ENOX1: variants seen among roughly 807,000 people sequenced by gnomAD.
ENOX1 encodes ecto-NOX disulfide-thiol exchanger 1, also known as candidate growth-related and time keeping constitutive hydroquinone (NADH) oxidase.
In ENOX1, 42 loss-of-function variants were observed where a neutral mutation model predicts 82.5. The observed-to-expected ratio is 0.51, with a 90% confidence interval of 0.40 to 0.66. The LOEUF is 0.66. Ranked by LOEUF, ENOX1 falls within the 30% of genes least tolerant of loss-of-function variation. ENOX1 has a pLI of 0.00. For missense variants in ENOX1, 608 were observed against 811.6 expected (o/e 0.75, Z 3.05); for synonymous variants, 271 against 282.2 (o/e 0.96, Z 0.40).
intron 1 of ENOX1, among the ~76,000 whole-genome samples, chr13:43,749,343 A>G (rs113549042): frequency 2.8e-4 from 42 of 152,376 alleles, no homozygotes; most frequent in African/African-American, 9.6e-4. Flanking sequence ...TAACCAAGTT[A>G]AAGCCCATAC....
At chr13:43,532,674 C>A (rs1241450319) in intron 2 of ENOX1, among the ~76,000 whole-genome samples, 1 of 152,094 alleles carries the variant, frequency 6.6e-6, no homozygotes, top group Non-Finnish European at 1.5e-5. Context: ...ATTTTCCTCA[C>A]TGAAGCATCG....
intron 1 of ENOX1, among the ~76,000 whole-genome samples, chr13:43,721,045 C>T (rs2088539076): frequency 6.6e-6 from 1 of 152,120 alleles, no homozygotes; most frequent in Non-Finnish European, 1.5e-5. Context: ...CTTTTCAGTC[C>T]TTCCTTATTT....
chr13:43,554,013 T>G (rs1430528814), intron 2 of ENOX1, among the ~76,000 whole-genome samples: 1 of 152,190 alleles, frequency 6.6e-6, no homozygotes, highest in African/African-American at 2.4e-5. Flanking sequence ...TCTCCCAAAG[T>G]GCTGGGATTA....
At chr13:43,766,450 T>G (rs556268584) in intron 1 of ENOX1, among the ~76,000 whole-genome samples, 1 of 152,266 alleles carries the variant, frequency 6.6e-6, no homozygotes. Flanking sequence ...CCCAACACAG[T>G]TCATTCACTT....
chr13:43,578,284 G>A (rs941105713), intron 2 of ENOX1, among the ~76,000 whole-genome samples: 2 of 151,998 alleles, frequency 1.3e-5, no homozygotes, highest in Non-Finnish European at 2.9e-5. Context: ...AAAACAACCT[G>A]GGAATATCAG....
At position 43,395,712 on chromosome 13, in the gene ENOX1, T is replaced by A. The variant is rs536498304; in HGVS notation, c.208+16204A>T. On this transcript the variant is annotated intron_variant, in intron 5 of 16. Transcript: ENST00000690772. ...CCAATGTTGCTTTCATTCTCATGAA[T>A]GTGATCCGAAGAAACACAGCCTTAT... 3.9e-5 allele frequency among the ~76,000 whole-genome samples: 6 copies of A among 152,322 alleles called. No individual in the cohort carries two copies. In the South Asian group the frequency reaches 1.2e-3, roughly 32 times the overall value.
Position 43,214,053 on chromosome 13 carries a change from A to G in ENOX1, c.1869T>C (p.Gly623=), listed in dbSNP as rs1210020422. The change falls in exon 17 of 17, where the codon GGT becomes GGC. Residue 623 remains glycine, a synonymous_variant. Transcript: ENST00000690772. ...LPRMFKQEFT[G]VGATLEKRWK... ...ATCTTTTTTCCAGCGTGGCTCCCACACCCGTGAATTCCTGTTTGAACATGC... is the reference window on the plus strand; with the variant it reads ...ATCTTTTTTCCAGCGTGGCTCCCACGCCCGTGAATTCCTGTTTGAACATGC... The G allele has an allele frequency of 6.2e-7, 1 of 1,613,768 alleles. No individual in the cohort carries two copies. Among genetic ancestry groups the G allele is most frequent in the Non-Finnish European group, 8.5e-7 (1 of 1,179,782 alleles).
intron 2 of ENOX1, chr13:43,547,330 G>A (rs1302678381): frequency 6.6e-6 from 1 of 152,196 alleles, no homozygotes; most frequent in Non-Finnish European, 1.5e-5. Flanking sequence ...ATAAAAACAA[G>A]CCAGAGATAA....
At chr13:43,238,283 A>G (rs867636480) in intron 14 of ENOX1, among the ~76,000 whole-genome samples, 1 of 152,224 alleles carries the variant, frequency 6.6e-6, no homozygotes. Context: ...TGGAAACACA[A>G]TGAAGAATTT....
intron 16 of ENOX1, among the ~76,000 whole-genome samples, chr13:43,222,471 C>A (rs545082328): frequency 2.0e-5 from 3 of 152,152 alleles, no homozygotes; most frequent in African/African-American, 7.2e-5. Context: ...GTGGAGGAAA[C>A]AAAGTGTCCT....
intron 5 of ENOX1, among the ~76,000 whole-genome samples, chr13:43,398,437 C>T (rs571835563): frequency 6.6e-6 from 1 of 152,202 alleles, no homozygotes; most frequent in South Asian, 2.1e-4. Flanking sequence ...AGTTTCCAGG[C>T]CTCATGGTTT....
chr13:43,756,912 C>T (rs996538554), intron 1 of ENOX1, among the ~76,000 whole-genome samples: 3 of 146,060 alleles, frequency 2.1e-5, no homozygotes, highest in Admixed American at 7.0e-5. Context: ...CCTTTAAGCC[C>T]AGGGTTCCAA....
At chr13:43,782,813 A>G (rs1386125552) in intron 1 of ENOX1, among the ~76,000 whole-genome samples, 2 of 152,204 alleles carry the variant, frequency 1.3e-5, no homozygotes, top group African/African-American at 2.4e-5. Flanking sequence ...TTTCCATCCT[A>G]TAATCCATTC....
chr13:43,754,257 A>G (rs1311751873), intron 1 of ENOX1, among the ~76,000 whole-genome samples: 2 of 145,482 alleles, frequency 1.4e-5, no homozygotes, highest in African/African-American at 2.6e-5. Flanking sequence ...ACACATATAT[A>G]CATATATACA....
intron 15 of ENOX1, among the ~76,000 whole-genome samples, chr13:43,229,095 T>C (rs535731069): frequency 6.6e-6 from 1 of 152,200 alleles, no homozygotes; most frequent in Non-Finnish European, 1.5e-5. Flanking sequence ...TCGTGAGATC[T>C]GATGGTTTTA....
intron 2 of ENOX1, among the ~76,000 whole-genome samples, chr13:43,567,778 G>A (rs973558092): frequency 3.9e-5 from 6 of 152,134 alleles, no homozygotes; most frequent in Non-Finnish European, 8.8e-5. Flanking sequence ...CTGATAACAT[G>A]AGTCAGGATA....
At chr13:43,490,004 C>A (rs536336735) in intron 2 of ENOX1, among the ~76,000 whole-genome samples, 1 of 152,208 alleles carries the variant, frequency 6.6e-6, no homozygotes, top group East Asian at 1.9e-4. Context: ...AGTGGCATGA[C>A]GTCGGCTCAC....
intron 5 of ENOX1, among the ~76,000 whole-genome samples, chr13:43,367,585 G>A (rs1437843779): frequency 6.6e-6 from 1 of 152,084 alleles, no homozygotes; most frequent in Non-Finnish European, 1.5e-5. Flanking sequence ...ATTCTTCCCT[G>A]GATCCTTCAG....
chr13:43,556,627 A>C (rs917990196), intron 2 of ENOX1, among the ~76,000 whole-genome samples: 1 of 151,492 alleles, frequency 6.6e-6, no homozygotes, highest in Non-Finnish European at 1.5e-5. Flanking sequence ...ATGATTAATT[A>C]TTTCTTTCAT....
Sources: gnomAD v4.1 joint callset for allele counts (sites outside exome capture counted in the v4.1 genomes callset) on GRCh38, gnomAD v4.1.1 for gene constraint, MANE v1.5 for transcripts, NCBI Gene and HGNC (gene_info 2026-07-23, HGNC 2026-07-21) for gene names.